The following NEIL1 variants were observed in gnomAD, a reference collection of about 807,000 sequenced individuals.
NEIL1 encodes the protein endonuclease 8-like 1.
NEIL1 carries 31 observed loss-of-function variants against 44.2 expected under a neutral mutation model. That is an observed-to-expected ratio of 0.70 (90% CI 0.53 to 0.95). The LOEUF is 0.95. NEIL1 is among the 40% of genes least tolerant of loss of function. The pLI, the probability that NEIL1 is intolerant of heterozygous loss-of-function variation, is 0.00. For missense variants in NEIL1, 549 were observed against 515.5 expected, an observed-to-expected ratio of 1.07 and a Z score of -0.63; for synonymous variants, 254 against 209.7, an observed-to-expected ratio of 1.21 and a Z score of -1.83.
At position 75,354,432 on chromosome 15, in the gene NEIL1, G is replaced by A; in HGVS notation, c.876G>A (p.Gly292=). Reference sequence around the variant, plus strand: ...AACTCCAACACCAGTGTCCTGCAGGGCGCAAGTCCCGCAAAAAGAAATCCA... The same window carrying A: ...AACTCCAACACCAGTGTCCTGCAGGACGCAAGTCCCGCAAAAAGAAATCCA... The part of the protein sequence containing the change: ...QGDPGPLAPK[G]RKSRKKKSKA... The change falls in exon 8 of 10, where the codon GGG becomes GGA. Residue 292 remains glycine (G), a splice_region_variant and synonymous_variant. Coordinates refer to ENST00000355059, the MANE Select transcript of NEIL1 (RefSeq NM_024608.4). 1.2e-6 allele frequency: 2 copies of A among 1,614,168 alleles called. No homozygotes were observed. Among genetic ancestry groups the A allele is most frequent in the Non-Finnish European group, 1.7e-6 (2 of 1,180,012 alleles).
At position 75,356,600 on chromosome 15, in the gene NEIL1, A is replaced by C; in HGVS notation, c.*1566A>C. 6.4e-7 allele frequency: 1 copy of C among 1,557,392 alleles called. No individual in the cohort carries two copies. The highest frequency in any genetic ancestry group is 8.7e-7 in the Non-Finnish European group (1 of 1,151,010). ...GCAGGAAGGCCCCACCGTCCCCAGC[A>C]CTCACCCTTGTGCGGCATCAGTGCA... On this transcript the variant is annotated 3_prime_UTR_variant, in exon 10 of 10. Transcript: ENST00000355059. The surrounding 1 kb of genome is among the most constrained non-coding windows in gnomAD (Gnocchi z 5.8).
rs200137541 is a variant in NEIL1, at chr15:75,356,704, G to A, written c.*1670G>A. ...CCGCAAGCTGGGGTGAGGAGGGCGC[G>A]TAGGGGCCACGCTGAAGCTGTTGGA... On this transcript the variant is annotated 3_prime_UTR_variant, in exon 10 of 10. Coordinates refer to ENST00000355059, the MANE Select transcript of NEIL1 (RefSeq NM_024608.4). The surrounding 1 kb of genome is among the most constrained non-coding windows in gnomAD (Gnocchi z 5.8). The A allele has an allele frequency of 2.0e-4, 323 of 1,608,810 alleles. No individual in the cohort carries two copies. The highest frequency in any genetic ancestry group is 9.6e-4 in the Admixed American group (57 of 59,130).
chr15:75,355,724 T>TGC lies in NEIL1; in HGVS notation c.*690_*691insGC. On this transcript the variant is annotated 3_prime_UTR_variant, in exon 10 of 10. Transcript: ENST00000355059. ...TACCCACCAAATACCTGGGAAGCCA[T>TGC]CCCACCCCAGACTTCCCACCCCCAC... 5.2e-6 allele frequency: 3 copies of TGC among 582,272 alleles called. No individual in the cohort carries two copies. The highest frequency in any genetic ancestry group is 8.8e-6 in the Non-Finnish European group (3 of 341,282). The allele number at this position is 582,272 out of a possible 1,614,324, so 36.1% of individuals were successfully genotyped here.
At position 75,356,506 on chromosome 15, in the gene NEIL1, C is replaced by T. The variant is rs2072306499; in HGVS notation, c.*1472C>T. ...AGAATGGGGGCTACCCTCCCCTGTC[C>T]CTAGAAGGGGCAGGAAGCCAGGTTG... is the stretch of plus-strand genomic sequence containing the variant. On this transcript the variant is annotated 3_prime_UTR_variant, in exon 10 of 10. Coordinates refer to ENST00000355059, the MANE Select transcript of NEIL1 (RefSeq NM_024608.4). The surrounding 1 kb of genome is among the most constrained non-coding windows in gnomAD (Gnocchi z 5.8). 6.4e-7 allele frequency: 1 copy of T among 1,562,900 alleles called. No individual in the cohort carries two copies. Among genetic ancestry groups the T allele is most frequent in the South Asian group, 1.2e-5 (1 of 85,168 alleles).
rs2072296003 is a variant in NEIL1 at position 75,356,314 on chromosome 15, T to TCTTG, written c.*1281_*1282insTTGC. On this transcript the variant is annotated 3_prime_UTR_variant, in exon 10 of 10. Transcript: ENST00000355059. The surrounding 1 kb of genome is among the most constrained non-coding windows in gnomAD (Gnocchi z 5.8). ...CCCACCCCTTGCCTGCTTGACGGTC[T>TCTTG]CCAATACGACCGCGGGTGAAGACAC... The TCTTG allele has an allele frequency of 1.9e-6, 3 of 1,611,396 alleles. No homozygotes were observed. The highest frequency in any genetic ancestry group is 2.5e-6 in the Non-Finnish European group (3 of 1,179,316).
rs762935284 is a variant in NEIL1, at chr15:75,356,675, G to A, written c.*1641G>A. 1.3e-6 allele frequency: 2 copies of A among 1,591,128 alleles called. No homozygotes were observed. The highest frequency in any genetic ancestry group is 3.6e-5 in the Admixed American group (2 of 55,702). ...TCAGCAGTAGCGTCCGGGGCTTTAGGCGCCCGCAAGCTGGGGTGAGGAGGG... is the reference window on the plus strand; with the variant it reads ...TCAGCAGTAGCGTCCGGGGCTTTAGACGCCCGCAAGCTGGGGTGAGGAGGG... On this transcript the variant is annotated 3_prime_UTR_variant, in exon 10 of 10. Transcript: ENST00000355059. This position sits in a 1 kb window ranked among gnomAD's most constrained non-coding sequence, Gnocchi z 5.8.
Position 75,356,984 on chromosome 15 carries a change from C to T in NEIL1, c.*1950C>T, listed in dbSNP as rs561014273. 7.9e-6 allele frequency: 9 copies of T among 1,143,482 alleles called. No homozygotes were observed. In the South Asian group the frequency reaches 9.2e-5, roughly 12 times the overall value. 70.8% of individuals were successfully genotyped at this position (1,143,482 alleles called of 1,614,324 possible). The stretch of plus-strand genomic sequence containing the variant: ...GACTCCAGAGCTCCTGTCACTAGGC[C>T]GAGCACAAGCTCTAGAACCACACAA... On this transcript the variant is annotated 3_prime_UTR_variant, in exon 10 of 10. Coordinates refer to ENST00000355059, the MANE Select transcript of NEIL1 (RefSeq NM_024608.4). This position sits in a 1 kb window ranked among gnomAD's most constrained non-coding sequence, Gnocchi z 5.8.
rs1433256944 is a variant in NEIL1, at chr15:75,355,171, T to G, written c.*137T>G. The G allele has an allele frequency of 3.0e-6, 2 of 665,954 alleles. No individual in the cohort carries two copies. The highest frequency in any genetic ancestry group is 5.2e-6 in the Non-Finnish European group (2 of 387,256). The allele number at this position is 665,954 out of a possible 1,614,324, so 41.3% of individuals were successfully genotyped here. ...TGTTCCCTGCACAACTCTCATGGTTTTAATTGTACCCCATCTTCCACATCT... is the reference window on the plus strand; with the variant it reads ...TGTTCCCTGCACAACTCTCATGGTTGTAATTGTACCCCATCTTCCACATCT... On this transcript the variant is annotated 3_prime_UTR_variant, in exon 10 of 10. Transcript: ENST00000355059.
chr15:75,355,744 C>T lies in NEIL1; in HGVS notation c.*710C>T. The T allele has an allele frequency of 1.3e-6, 1 of 751,730 alleles. No individual in the cohort carries two copies. 46.6% of individuals were successfully genotyped at this position (751,730 alleles called of 1,614,324 possible). A position where few individuals can be genotyped will look rare whatever the true frequency, so the allele number is the denominator to read the frequency against. On this transcript the variant is annotated 3_prime_UTR_variant, in exon 10 of 10. Coordinates refer to ENST00000355059, the MANE Select transcript of NEIL1 (RefSeq NM_024608.4). ...AGCCATCCCACCCCAGACTTCCCACCCCCACCCCAAGCGTGAGGATGGGCC... is the reference window on the plus strand; with the variant it reads ...AGCCATCCCACCCCAGACTTCCCACTCCCACCCCAAGCGTGAGGATGGGCC...
In NEIL1 at chr15:75,354,282, G is replaced by C. The variant is rs757817492; in HGVS notation, c.874+5G>C. ...CTGGACCGTTGGCACCCAAAGGTAAGCTACTCCTAATGTAATAGGCTAAGA... is the reference window on the plus strand; with the variant it reads ...CTGGACCGTTGGCACCCAAAGGTAACCTACTCCTAATGTAATAGGCTAAGA... On this transcript the variant is annotated splice_donor_5th_base_variant and intron_variant, in intron 7 of 9. Coordinates refer to ENST00000355059, the MANE Select transcript of NEIL1 (RefSeq NM_024608.4). 1 of 1,614,124 alleles carries C rather than the reference G, an allele frequency of 6.2e-7. No homozygotes were observed. Among genetic ancestry groups the C allele is most frequent in the South Asian group, 1.1e-5 (1 of 91,086 alleles).
intron 4 of NEIL1, 51 bp downstream of exon 4, chr15:75,352,438 T>C: frequency 1.2e-6 from 2 of 1,606,770 alleles, no homozygotes; most frequent in Non-Finnish European, 1.7e-6. Flanking sequence ...GGTGTCCACA[T>C]GGGCCGGCAA....
chr15:75,353,926 G>A (rs1306966856), intron 6 of NEIL1, 60 bp downstream of exon 6: 2 of 1,601,660 alleles, frequency 1.2e-6, no homozygotes, highest in African/African-American at 2.7e-5. Flanking sequence ...GGAAACGTGG[G>A]GTCACAATAA....
intron 9 of NEIL1, 67 bp downstream of exon 9, chr15:75,354,885 G>A (rs567955231): frequency 4.3e-5 from 69 of 1,612,130 alleles, no homozygotes; most frequent in South Asian, 1.4e-4. Flanking sequence ...GCCTAGGAGC[G>A]CGTGTACAAA....
At position 75,356,500 on chromosome 15, in the gene NEIL1, CCT is replaced by C. The variant is rs1555434086; in HGVS notation, c.*1467_*1468del. 1.5e-5 allele frequency: 23 copies of C among 1,566,204 alleles called. No homozygotes were observed. The highest frequency in any genetic ancestry group is 2.2e-4 in the Middle Eastern group (1 of 4,560). The stretch of plus-strand genomic sequence containing the variant: ...TGGTGGAGAATGGGGGCTACCCTCC[CCT>C]GTCCCTAGAAGGGGCAGGAAGCCAG... On this transcript the variant is annotated 3_prime_UTR_variant, in exon 10 of 10. Transcript: ENST00000355059. This position sits in a 1 kb window ranked among gnomAD's most constrained non-coding sequence, Gnocchi z 5.8.
intron 5 of NEIL1, chr15:75,353,328 TCCTC>T (rs1275495920): frequency 6.8e-6 from 2 of 296,176 alleles, no homozygotes; most frequent in African/African-American, 2.2e-5. Flanking sequence ...GCTCAAGTGA[TCCTC>T]CCACATCTGC....
chr15:75,348,306 C>T (rs946297449), intron 1 of NEIL1: 12 of 985,546 alleles, frequency 1.2e-5, no homozygotes, highest in African/African-American at 1.7e-5. Context: ...TCCCCCGCGC[C>T]AGGCCGAGCT....
Position 75,356,062 on chromosome 15 carries a change from T to C in NEIL1, c.*1028T>C. ...AGAACAGGAGGGGCCATGAAGGCTC[T>C]GCGAGGGCGAGACTCGACCCCCGCC... is the stretch of plus-strand genomic sequence containing the variant. On this transcript the variant is annotated 3_prime_UTR_variant, in exon 10 of 10. Transcript: ENST00000355059. This position sits in a 1 kb window ranked among gnomAD's most constrained non-coding sequence, Gnocchi z 5.8. 6.2e-7 allele frequency: 1 copy of C among 1,613,624 alleles called. No homozygotes were observed. The highest frequency in any genetic ancestry group is 8.5e-7 in the Non-Finnish European group (1 of 1,179,790).
intron 5 of NEIL1, chr15:75,353,330 C>T: frequency 3.4e-6 from 1 of 296,522 alleles, no homozygotes; most frequent in South Asian, 3.2e-5. Context: ...TCAAGTGATC[C>T]TCCCACATCT....
At chr15:75,347,730 T>G in intron 1 of NEIL1, 4 of 910,698 alleles carry the variant, frequency 4.4e-6, no homozygotes, top group South Asian at 2.4e-5. Context: ...AAGATGAGCT[T>G]TGGGGGGCCC....
Sources: allele counts gnomAD v4.1 joint callset, GRCh38; gene constraint gnomAD v4.1.1; non-coding constraint Gnocchi (gnomAD v3.1); transcripts MANE v1.5; gene names NCBI Gene and HGNC (gene_info 2026-07-23, HGNC 2026-07-21).